Variants in CPNE4 observed in about 807,000 individuals in gnomAD.
CPNE4 encodes copine 4, also known as copine-4.
A neutral mutation model predicts 67.9 loss-of-function variants in CPNE4; 25 were observed. The ratio of observed to expected loss-of-function variants is 0.37; its 90% CI spans 0.27 to 0.51. The LOEUF is 0.51. Ranked by LOEUF, CPNE4 falls within the 20% of genes least tolerant of loss-of-function variation. The pLI is 0.93. For missense variants in CPNE4, 464 were observed against 690.8 expected, an observed-to-expected ratio of 0.67 and a Z score of 3.68; for synonymous variants, 242 against 244.9, an observed-to-expected ratio of 0.99 and a Z score of 0.11.
intron 1 of CPNE4, among the ~76,000 whole-genome samples, chr3:131,992,419 C>G (rs750546269): frequency 7.3e-6 from 1 of 136,316 alleles, no homozygotes; most frequent in Non-Finnish European, 1.7e-5. Flanking sequence ...TGAATGGGGC[C>G]GGTAGCCCCT....
intron 2 of CPNE4, among the ~76,000 whole-genome samples, chr3:131,817,913 G>T (rs1349970846): frequency 6.6e-6 from 1 of 152,148 alleles, no homozygotes; most frequent in African/African-American, 2.4e-5. Context: ...CATCTGAAAG[G>T]TTGCCAACTC....
At chr3:132,026,504 G>C (rs577447170) in intron 1 of CPNE4, among the ~76,000 whole-genome samples, 1 of 152,194 alleles carries the variant, frequency 6.6e-6, no homozygotes, top group East Asian at 1.9e-4. Context: ...ATTGGAATAG[G>C]GATACCCTAA....
At position 131,737,115 on chromosome 3, in the gene CPNE4, C is replaced by CTTTTTTTTTTTTTT. The variant is rs71788145; in HGVS notation, c.181-13504_181-13491dup. Among the ~76,000 whole-genome samples the CTTTTTTTTTTTTTT allele has an allele frequency of 1.3e-3, 64 of 49,406 alleles. 5 individuals carry two copies. Among genetic ancestry groups the CTTTTTTTTTTTTTT allele is most frequent in the East Asian group, 5.2e-3 (6 of 1,156 alleles). The allele number at this position is 49,406 out of a possible 152,430, so 32.4% of individuals were successfully genotyped here. The stretch of plus-strand genomic sequence containing the variant: ...TGCCTCTTTTTATGAAGTATTGTGT[C>CTTTTTTTTTTTTTT]TTTTTTTTTTTTTTTTTTTTTTTTT... On this transcript the variant is annotated intron_variant, in intron 2 of 15. Transcript: ENST00000429747.
chr3:131,774,827 C>T (rs928876297), intron 2 of CPNE4, among the ~76,000 whole-genome samples: 2 of 152,136 alleles, frequency 1.3e-5, no homozygotes, highest in African/African-American at 4.8e-5. Flanking sequence ...CTGATTACAA[C>T]TAATCTAAAA....
At chr3:131,896,865 C>A (rs1248899912) in intron 2 of CPNE4, among the ~76,000 whole-genome samples, 1 of 152,066 alleles carries the variant, frequency 6.6e-6, no homozygotes, top group South Asian at 2.1e-4. Flanking sequence ...CATAATTTTT[C>A]TCTACAAAAT....
chr3:131,734,769 T>G (rs780745861), intron 2 of CPNE4, among the ~76,000 whole-genome samples: 9 of 152,088 alleles, frequency 5.9e-5, no homozygotes, highest in Non-Finnish European at 1.2e-4. Flanking sequence ...CACACTCTTG[T>G]AGTCCCTGCT....
At position 131,859,835 on chromosome 3, in the gene CPNE4, T is replaced by C. The variant is rs532876754; in HGVS notation, c.180+45429A>G. The stretch of plus-strand genomic sequence containing the variant: ...AGAAAGAATCTCATATGTCAGATTC[T>C]GTAGGGAAAACATGCAAAGAGAGGC... On this transcript the variant is annotated intron_variant, in intron 2 of 15. Transcript: ENST00000429747. Among the ~76,000 whole-genome samples, 13 of 152,326 alleles carry C rather than the reference T, an allele frequency of 8.5e-5. No homozygotes were observed. The South Asian group carries it at 2.5e-3, about 29-fold the overall frequency.
intron 1 of CPNE4, among the ~76,000 whole-genome samples, chr3:131,931,873 G>A (rs566143031): frequency 4.6e-5 from 7 of 152,124 alleles, no homozygotes; most frequent in South Asian, 2.1e-4. Context: ...TAAGGTACTC[G>A]CCAGTTCTAA....
intron 2 of CPNE4, among the ~76,000 whole-genome samples, chr3:131,862,980 T>A (rs1388985280): frequency 6.8e-6 from 1 of 148,038 alleles, no homozygotes; most frequent in Admixed American, 6.8e-5. Context: ...GTCCTTATGA[T>A]AGTTTGCTGA....
chr3:132,023,557 G>A (rs1047267608), intron 1 of CPNE4, among the ~76,000 whole-genome samples: 12 of 131,986 alleles, frequency 9.1e-5, no homozygotes, highest in Non-Finnish European at 1.5e-4. Flanking sequence ...GCGGGATCTC[G>A]GCTCACTGCA....
At chr3:131,981,462 A>T (rs1583555845) in intron 1 of CPNE4, among the ~76,000 whole-genome samples, 1 of 152,160 alleles carries the variant, frequency 6.6e-6, no homozygotes, top group East Asian at 1.9e-4. Context: ...GCAGGTTGTC[A>T]GGGAAGTGGG....
At chr3:131,873,631 A>C (rs143852791) in intron 2 of CPNE4, among the ~76,000 whole-genome samples, 109 of 152,314 alleles carry the variant, frequency 7.2e-4, no homozygotes, top group African/African-American at 2.5e-3. Flanking sequence ...ACAAATATCT[A>C]TGAAACCCTG....
chr3:131,905,686 C>T (rs1449589449), intron 1 of CPNE4, among the ~76,000 whole-genome samples: 1 of 152,116 alleles, frequency 6.6e-6, no homozygotes, highest in Non-Finnish European at 1.5e-5. Flanking sequence ...GTATGATTTG[C>T]ATACATTTGC....
intron 1 of CPNE4, among the ~76,000 whole-genome samples, chr3:131,951,773 C>G (rs1013896387): frequency 1.3e-5 from 2 of 152,194 alleles, no homozygotes; most frequent in African/African-American, 2.4e-5. Flanking sequence ...CTGTGTTGGC[C>G]GGGCTGGTCT....
chr3:131,878,326 T>C (rs754991866), intron 2 of CPNE4, among the ~76,000 whole-genome samples: 5 of 152,138 alleles, frequency 3.3e-5, no homozygotes, highest in Non-Finnish European at 5.9e-5. Context: ...ATGCCATGAA[T>C]CTCGCAAATA....
chr3:131,658,815 T>C (rs892624248), intron 7 of CPNE4, among the ~76,000 whole-genome samples: 20 of 152,240 alleles, frequency 1.3e-4, no homozygotes, highest in African/African-American at 4.3e-4. Context: ...CATGTTTTAT[T>C]TGATGATTCT....
At chr3:131,628,249 G>C (rs1441816799) in intron 7 of CPNE4, among the ~76,000 whole-genome samples, 2 of 152,150 alleles carry the variant, frequency 1.3e-5, no homozygotes, top group Non-Finnish European at 1.5e-5. Context: ...TGCTGATGAA[G>C]GCATACCCAA....
chr3:131,574,368 G>A (rs1937489142), intron 10 of CPNE4, among the ~76,000 whole-genome samples: 3 of 152,194 alleles, frequency 2.0e-5, no homozygotes, highest in African/African-American at 7.2e-5. Flanking sequence ...GTCAGTGAAA[G>A]TCAGTTGTTC....
At chr3:131,688,002 G>C (rs567067404) in intron 5 of CPNE4, among the ~76,000 whole-genome samples, 1 of 152,178 alleles carries the variant, frequency 6.6e-6, no homozygotes, top group Admixed American at 6.5e-5. Context: ...TGCTGGCAAA[G>C]TTGGCCCCAT....
Sources: gnomAD v4.1 joint callset for allele counts (sites outside exome capture counted in the v4.1 genomes callset) on GRCh38, gnomAD v4.1.1 for gene constraint, MANE v1.5 for transcripts, NCBI Gene and HGNC (gene_info 2026-07-23, HGNC 2026-07-21) for gene names.